Variants in EYS observed in about 807,000 individuals in gnomAD.
EYS encodes the protein protein eyes shut homolog.
In EYS, 250 loss-of-function variants were observed where a neutral mutation model predicts 282.1. The observed-to-expected ratio is 0.89, with a 90% confidence interval of 0.80 to 0.98. The LOEUF (loss-of-function observed/expected upper bound fraction) is 0.98. Among genes scored for constraint, EYS ranks in the 50% least tolerant of loss-of-function variants. The pLI, the probability that EYS is intolerant of heterozygous loss-of-function variation, is 0.00. For missense variants in EYS, 4,016 were observed against 3,709.0 expected, an observed-to-expected ratio of 1.08 and a Z score of -2.15; for synonymous variants, 1,355 against 1,282.9, an observed-to-expected ratio of 1.06 and a Z score of -1.20.
intron 2 of EYS, among the ~76,000 whole-genome samples, chr6:65,538,726 T>G (rs1405858387): frequency 6.6e-6 from 1 of 152,102 alleles, no homozygotes; most frequent in Non-Finnish European, 1.5e-5. Flanking sequence ...TTAAGGAGAC[T>G]TTTTTGTTTG....
intron 10 of EYS, among the ~76,000 whole-genome samples, chr6:65,335,922 T>TG (rs1018418083): frequency 4.0e-5 from 6 of 151,694 alleles, no homozygotes; most frequent in Non-Finnish European, 7.4e-5. Flanking sequence ...GATTAAATCA[T>TG]GGGGGCAGTT....
chr6:65,477,148 C>T (rs929025258), intron 5 of EYS, among the ~76,000 whole-genome samples: 5 of 151,924 alleles, frequency 3.3e-5, no homozygotes, highest in South Asian at 2.1e-4. Flanking sequence ...GGTAAAATGC[C>T]TTGTAAATTT....
At chr6:64,606,288 C>G (rs1162470424) in intron 24 of EYS, among the ~76,000 whole-genome samples, 1 of 151,962 alleles carries the variant, frequency 6.6e-6, no homozygotes, top group African/African-American at 2.4e-5. Context: ...CCTGTTCTCC[C>G]TAGAACAATG....
At chr6:64,691,369 G>A (rs1401163129) in intron 22 of EYS, among the ~76,000 whole-genome samples, 1 of 152,110 alleles carries the variant, frequency 6.6e-6, no homozygotes, top group Non-Finnish European at 1.5e-5. Flanking sequence ...TTACTTCCCA[G>A]AAGTTTTATG....
At chr6:64,602,484 C>T (rs917137265) in intron 24 of EYS, among the ~76,000 whole-genome samples, 1 of 152,050 alleles carries the variant, frequency 6.6e-6, no homozygotes, top group Admixed American at 6.6e-5. Context: ...AGGGCCACAT[C>T]ATGTGAACAG....
intron 13 of EYS, among the ~76,000 whole-genome samples, chr6:65,047,081 T>C (rs3959778): frequency 0.4 from 60,226 of 151,270 alleles, 13,035 homozygotes; most frequent in Admixed American, 0.51. Flanking sequence ...TGCGGAACTA[T>C]GAGTCAATTA....
intron 26 of EYS, among the ~76,000 whole-genome samples, chr6:64,517,965 G>A (rs762163584): frequency 1.3e-5 from 2 of 151,678 alleles, no homozygotes; most frequent in Non-Finnish European, 2.9e-5. Context: ...TTTCATTCAG[G>A]TGTCCTCCAA....
chr6:63,936,120 G>T (rs1396079718), intron 35 of EYS, among the ~76,000 whole-genome samples: 1 of 152,132 alleles, frequency 6.6e-6, no homozygotes, highest in Non-Finnish European at 1.5e-5. Flanking sequence ...GTAGATGCCT[G>T]CTCAGGAATC....
chr6:64,253,425 G>A (rs1282556265), intron 30 of EYS, among the ~76,000 whole-genome samples: 1 of 152,096 alleles, frequency 6.6e-6, no homozygotes, highest in African/African-American at 2.4e-5. Context: ...GTGATAAATT[G>A]GCATCATAGT....
rs142459608 is a variant in EYS, at chr6:64,695,101, C to A, written c.3444-68856G>T. On this transcript the variant is annotated intron_variant, in intron 22 of 42. Coordinates refer to ENST00000503581, the MANE Select transcript of EYS (RefSeq NM_001142800.2). ...TGCCTTCCAACCACTTGGAAGGCTG[C>A]CACTTGTCCCCACTATTGGCCATCT... 1.1e-3 allele frequency among the ~76,000 whole-genome samples: 160 copies of A among 152,146 alleles called. 4 individuals carry two copies. Among genetic ancestry groups the A allele is most frequent in the Admixed American group, 8.3e-3 (127 of 15,274 alleles).
At chr6:63,825,129 C>T (rs2149687521) in intron 36 of EYS, among the ~76,000 whole-genome samples, 1 of 152,192 alleles carries the variant, frequency 6.6e-6, no homozygotes, top group Non-Finnish European at 1.5e-5. Context: ...TGACTGCTGG[C>T]TTTCCCCTAC....
At chr6:63,994,723 A>T (rs1373345698) in intron 34 of EYS, among the ~76,000 whole-genome samples, 1 of 152,018 alleles carries the variant, frequency 6.6e-6, no homozygotes, top group African/African-American at 2.4e-5. Context: ...AATATTTTCA[A>T]TGAATCAGTA....
intron 19 of EYS, among the ~76,000 whole-genome samples, chr6:64,878,683 A>AT (rs57000492): frequency 0.15 from 23,306 of 150,614 alleles, 2,113 homozygotes; most frequent in East Asian, 0.49. Flanking sequence ...AAGCACATGC[A>AT]TTTTTTTTCT....
At chr6:64,271,127 C>T (rs1767929103) in intron 30 of EYS, among the ~76,000 whole-genome samples, 1 of 152,154 alleles carries the variant, frequency 6.6e-6, no homozygotes, top group Non-Finnish European at 1.5e-5. Flanking sequence ...AAACATTCTT[C>T]TGCATATTTC....
chr6:64,568,050 G>A (rs753697826), intron 26 of EYS, among the ~76,000 whole-genome samples: 3 of 152,152 alleles, frequency 2.0e-5, no homozygotes, highest in African/African-American at 4.8e-5. Context: ...AATTCAGGAA[G>A]GCCAAAATAA....
At chr6:64,283,144 T>A (rs764870500) in intron 30 of EYS, among the ~76,000 whole-genome samples, 8 of 152,306 alleles carry the variant, frequency 5.3e-5, no homozygotes, top group South Asian at 2.1e-4. Flanking sequence ...GTGAATACTT[T>A]TATGTTATCT....
At chr6:65,327,786 A>G (rs1219791633) in intron 11 of EYS, among the ~76,000 whole-genome samples, 1 of 151,588 alleles carries the variant, frequency 6.6e-6, no homozygotes, top group East Asian at 1.9e-4. Context: ...TGAAGTGGTT[A>G]GCTCTTTGCA....
chr6:64,053,500 T>C (rs932408914), intron 33 of EYS, among the ~76,000 whole-genome samples: 1 of 152,166 alleles, frequency 6.6e-6, no homozygotes, highest in Non-Finnish European at 1.5e-5. Context: ...AGACTCTGGA[T>C]TCAAATTTCT....
chr6:64,700,900 C>G (rs1173272873), intron 22 of EYS, among the ~76,000 whole-genome samples: 1 of 151,898 alleles, frequency 6.6e-6, no homozygotes, highest in Non-Finnish European at 1.5e-5. Flanking sequence ...AAAACAGAGC[C>G]CGAGTAAGCC....
Sources: allele counts gnomAD v4.1 joint callset (sites outside exome capture counted in the v4.1 genomes callset), GRCh38; gene constraint gnomAD v4.1.1; transcripts MANE v1.5; gene names NCBI Gene and HGNC (gene_info 2026-07-23, HGNC 2026-07-21).